FBXO22: variants seen among roughly 807,000 people sequenced by gnomAD.
FBXO22 encodes the protein F-box only protein 22.
A neutral mutation model predicts 37.2 loss-of-function variants in FBXO22; 13 were observed. The observed-to-expected ratio is 0.35, with a 90% confidence interval of 0.23 to 0.56. The LOEUF is 0.56. FBXO22 is among the 20% of genes least tolerant of loss of function. FBXO22 has a pLI of 0.87. For missense variants in FBXO22, 446 were observed against 509.9 expected (o/e 0.87, Z 1.21); for synonymous variants, 189 against 189.1 (o/e 1.00, Z 0.00).
intron 5 of FBXO22, among the ~76,000 whole-genome samples, chr15:75,928,335 A>C (rs1296825358): frequency 6.6e-6 from 1 of 152,200 alleles, no homozygotes; most frequent in Non-Finnish European, 1.5e-5. Context: ...AGTAGCAAAG[A>C]CATGGAATCA....
At chr15:75,917,839 A>G (rs957770534) in intron 5 of FBXO22, among the ~76,000 whole-genome samples, 18 of 152,224 alleles carry the variant, frequency 1.2e-4, no homozygotes, top group Non-Finnish European at 2.2e-4. Flanking sequence ...GATGGGAACA[A>G]GTAAAGTGAC....
At chr15:75,906,020 A>G (rs1370330527) in intron 2 of FBXO22, among the ~76,000 whole-genome samples, 3 of 149,252 alleles carry the variant, frequency 2.0e-5, no homozygotes, top group South Asian at 2.2e-4. Context: ...ATATCTGTAC[A>G]CTCTCGGAGT....
Position 75,938,869 on chromosome 15 carries a change from C to G in FBXO22, c.*5767C>G, listed in dbSNP as rs1595926940. ...ACAAACTTGTGGAAATTAAACAAAA[C>G]ACTCAACCAATGGGTCAAAGAAGAA... On this transcript the variant is annotated 3_prime_UTR_variant, in exon 7 of 7. Coordinates refer to ENST00000308275, the MANE Select transcript of FBXO22 (RefSeq NM_147188.3). 6.6e-6 allele frequency: 1 copy of G among 152,174 alleles called. No individual in the cohort carries two copies. The highest frequency in any genetic ancestry group is 2.4e-5 in the African/African-American group (1 of 41,538). 9.4% of individuals were successfully genotyped at this position (152,174 alleles called of 1,614,324 possible).
intron 6 of FBXO22, among the ~76,000 whole-genome samples, chr15:75,931,322 TG>T (rs980194966): frequency 9.2e-5 from 14 of 152,290 alleles, no homozygotes; most frequent in African/African-American, 2.4e-5. Flanking sequence ...AATTTTAATG[TG>T]GTCTTCATAC....
chr15:75,917,151 T>A (rs1900209465), intron 4 of FBXO22, 79 bp from the exon 5 acceptor site: 1 of 1,031,012 alleles, frequency 9.7e-7, no homozygotes. Context: ...GTTAGCTTAA[T>A]GATTATCTTA....
chr15:75,939,056 CAT>C lies in FBXO22; in HGVS notation c.*5956_*5957del, dbSNP rs1422677630. On this transcript the variant is annotated 3_prime_UTR_variant, in exon 7 of 7. Transcript: ENST00000308275. ...GACTTTGCAGCTTGAGGGGGAAAAA[CAT>C]ACTAAATCCAAAGCTAGCAGATGGA... 1.3e-5 allele frequency: 2 copies of C among 151,944 alleles called. No homozygotes were observed. Among genetic ancestry groups the C allele is most frequent in the African/African-American group, 2.4e-5 (1 of 41,382 alleles). The allele number at this position is 151,944 out of a possible 1,614,324, so 9.4% of individuals were successfully genotyped here.
chr15:75,905,700 C>T (rs1899915569), intron 2 of FBXO22: 1 of 152,196 alleles, frequency 6.6e-6, no homozygotes, highest in South Asian at 2.1e-4. Context: ...GGAACAGTTT[C>T]TCAAGCTTTG....
rs2030169191 is a variant in FBXO22, at chr15:75,934,043, CATA to C, written c.*944_*946del. ...TTCAATATCCATTCTTTACTTTTCA[CATA>C]ATGATAGAACCTTTGATTTTTCAAG... On this transcript the variant is annotated 3_prime_UTR_variant, in exon 7 of 7. Transcript: ENST00000308275. 1 of 153,054 alleles carries C rather than the reference CATA, an allele frequency of 6.5e-6. No homozygotes were observed. The highest frequency in any genetic ancestry group is 2.4e-5 in the African/African-American group (1 of 41,456). The allele number at this position is 153,054 out of a possible 1,614,324, so 9.5% of individuals were successfully genotyped here. A position where few individuals can be genotyped will look rare whatever the true frequency, so the allele number is the denominator to read the frequency against.
intron 1 of FBXO22, 130 bp from the exon 2 acceptor site, chr15:75,904,361 C>T: frequency 7.2e-7 from 1 of 1,381,150 alleles, no homozygotes; most frequent in Non-Finnish European, 1.0e-6. Flanking sequence ...TGACTGACAC[C>T]TACCTACCCC....
rs536221187 is a variant in FBXO22 at position 75,940,573 on chromosome 15, C to T, written c.*7471C>T. The T allele has an allele frequency of 2.4e-4, 37 of 151,924 alleles. No individual in the cohort carries two copies. Among genetic ancestry groups the T allele is most frequent in the African/African-American group, 8.9e-4 (37 of 41,442 alleles). 9.4% of individuals were successfully genotyped at this position (151,924 alleles called of 1,614,324 possible). A position where few individuals can be genotyped will look rare whatever the true frequency, so the allele number is the denominator to read the frequency against. Reference sequence around the variant, plus strand: ...GAAGAACAAATTGGAGGACTTAAACCTGCAGAGTTTAAAACTTACTATAAT... The same window carrying T: ...GAAGAACAAATTGGAGGACTTAAACTTGCAGAGTTTAAAACTTACTATAAT... On this transcript the variant is annotated 3_prime_UTR_variant, in exon 7 of 7. Coordinates refer to ENST00000308275, the MANE Select transcript of FBXO22 (RefSeq NM_147188.3).
chr15:75,904,444 C>G, intron 1 of FBXO22, 47 bp from the exon 2 acceptor site: 1 of 1,612,180 alleles, frequency 6.2e-7, no homozygotes, highest in Non-Finnish European at 8.5e-7. Context: ...GTGGGAGAGA[C>G]GAAAATGAAC....
Position 75,934,083 on chromosome 15 carries a change from C to T in FBXO22, c.*981C>T, listed in dbSNP as rs2030171366. On this transcript the variant is annotated 3_prime_UTR_variant, in exon 7 of 7. Transcript: ENST00000308275. ...TTTGATTTTTCAAGTGGGTATGCCT[C>T]CTAGAATAAAGACTACATTTCCCAG... The T allele has an allele frequency of 6.6e-6, 1 of 152,488 alleles. No individual in the cohort carries two copies. Among genetic ancestry groups the T allele is most frequent in the African/African-American group, 2.4e-5 (1 of 41,430 alleles). 9.4% of individuals were successfully genotyped at this position (152,488 alleles called of 1,614,324 possible).
At chr15:75,904,984 C>T (rs1430152707) in intron 2 of FBXO22, among the ~76,000 whole-genome samples, 1 of 152,152 alleles carries the variant, frequency 6.6e-6, no homozygotes, top group Non-Finnish European at 1.5e-5. Context: ...CCACCATGCC[C>T]AGCTAATTTT....
In FBXO22 at chr15:75,933,596, CAA is replaced by C. The variant is rs1275253355; in HGVS notation, c.*495_*496del. ...GTTTTATGAATTTTTTCAGAAGTAACAATATTATTATTGACTTTTTACTTATT... is the reference window on the plus strand; with the variant it reads ...GTTTTATGAATTTTTTCAGAAGTAACTATTATTATTGACTTTTTACTTATT... On this transcript the variant is annotated 3_prime_UTR_variant, in exon 7 of 7. Coordinates refer to ENST00000308275, the MANE Select transcript of FBXO22 (RefSeq NM_147188.3). The C allele has an allele frequency of 6.2e-6, 1 of 160,914 alleles. No homozygotes were observed. Among genetic ancestry groups the C allele is most frequent in the East Asian group, 1.9e-4 (1 of 5,358 alleles). The allele number at this position is 160,914 out of a possible 1,614,324, so 10.0% of individuals were successfully genotyped here.
rs966903819 is a variant in FBXO22, at chr15:75,940,297, G to T, written c.*7195G>T. Reference sequence around the variant, plus strand: ...AATTAGCTTACCCAAGGTGGTAAATGGCTTGTACAATGAAAACTACAAAAC... The same window carrying T: ...AATTAGCTTACCCAAGGTGGTAAATTGCTTGTACAATGAAAACTACAAAAC... On this transcript the variant is annotated 3_prime_UTR_variant, in exon 7 of 7. Coordinates refer to ENST00000308275, the MANE Select transcript of FBXO22 (RefSeq NM_147188.3). 1.3e-5 allele frequency: 2 copies of T among 152,004 alleles called. No individual in the cohort carries two copies. The highest frequency in any genetic ancestry group is 2.9e-5 in the Non-Finnish European group (2 of 67,956). The allele number at this position is 152,004 out of a possible 1,614,324, so 9.4% of individuals were successfully genotyped here.
intron 5 of FBXO22, among the ~76,000 whole-genome samples, chr15:75,921,931 A>C (rs1171361594): frequency 1.3e-5 from 2 of 152,124 alleles, no homozygotes; most frequent in Non-Finnish European, 2.9e-5. Flanking sequence ...TTCCTATGAC[A>C]ACAGTGCCTC....
chr15:75,942,147 G>A lies in FBXO22; in HGVS notation c.*9045G>A, dbSNP rs2031051991. 6.6e-6 allele frequency: 1 copy of A among 151,962 alleles called. No individual in the cohort carries two copies. Among genetic ancestry groups the A allele is most frequent in the Non-Finnish European group, 1.5e-5 (1 of 67,984 alleles). 9.4% of individuals were successfully genotyped at this position (151,962 alleles called of 1,614,324 possible). A position where few individuals can be genotyped will look rare whatever the true frequency, so the allele number is the denominator to read the frequency against. ...AAGTTAGTAAAGACTGGTTGCCAGA[G>A]GTTCAGTGGGAGAGAGGGAGGGGTA... On this transcript the variant is annotated 3_prime_UTR_variant, in exon 7 of 7. Coordinates refer to ENST00000308275, the MANE Select transcript of FBXO22 (RefSeq NM_147188.3).
chr15:75,904,044 G>A lies in FBXO22; in HGVS notation c.81G>A (p.Ala27=). Residue 27 remains alanine (A), a synonymous_variant, in exon 1 of 7, where the codon GCG becomes GCA. Transcript: ENST00000308275. The stretch of plus-strand genomic sequence containing the variant: ...GCACCTTCGTGTTGAGTAACCTGGC[G>A]GAGGTGGTGGAGCGTGTGCTCACCT... ...PRSTFVLSNL[A]EVVERVLTFL... 1 of 1,563,302 alleles carries A rather than the reference G, an allele frequency of 6.4e-7. No homozygotes were observed. Among genetic ancestry groups the A allele is most frequent in the Non-Finnish European group, 8.7e-7 (1 of 1,153,158 alleles).
chr15:75,928,521 G>A (rs1316243326), intron 5 of FBXO22, among the ~76,000 whole-genome samples: 2 of 152,172 alleles, frequency 1.3e-5, no homozygotes, highest in Non-Finnish European at 2.9e-5. Flanking sequence ...TTATAAGTGG[G>A]AGCTAAATGA....
Sources: allele counts gnomAD v4.1 joint callset (sites outside exome capture counted in the v4.1 genomes callset), GRCh38; gene constraint gnomAD v4.1.1; transcripts MANE v1.5; gene names NCBI Gene and HGNC (gene_info 2026-07-23, HGNC 2026-07-21).